Variants in RPRD2 observed in about 807,000 individuals in gnomAD.
RPRD2 encodes the protein regulation of nuclear pre-mRNA domain containing 2, also known as regulation of nuclear pre-mRNA domain-containing protein 2.
A neutral mutation model predicts 104.4 loss-of-function variants in RPRD2; 12 were observed. The ratio of observed to expected loss-of-function variants is 0.11; its 90% confidence interval spans 0.07 to 0.19. The LOEUF (loss-of-function observed/expected upper bound fraction) is 0.19, where lower values mean the gene tolerates loss of function less well. Among genes scored for constraint, RPRD2 ranks in the 10% least tolerant of loss-of-function variants. The pLI is 1.00. For synonymous variants in RPRD2, 714 were observed against 684.9 expected, an observed-to-expected ratio of 1.04 and a Z score of -0.66; for missense variants, 1,543 against 1,790.1, an observed-to-expected ratio of 0.86 and a Z score of 2.49.
rs1668568089 is a variant in RPRD2 at position 150,471,216 on chromosome 1, C to T, written c.2268C>T (p.Ile756=). 2 of 1,613,392 alleles carry T rather than the reference C, an allele frequency of 1.2e-6. No homozygotes were observed. The highest frequency in any genetic ancestry group is 1.3e-5 in the African/African-American group (1 of 74,750). Residue 756 remains isoleucine (I), a synonymous_variant, in exon 11 of 11, where the codon ATC becomes ATT. Transcript: ENST00000369068. This position sits in a 1 kb window ranked among gnomAD's most constrained non-coding sequence, Gnocchi z 5.3. ...ATACTATGTCCCTGCTTTCTAAGAT[C>T]ATTAGCCCTGGTTCCTCAACACCCA... ...SVDTMSLLSK[I]ISPGSSTPSS... is the part of the protein sequence containing the mutation.
chr1:150,374,728 TTTTAAG>T (rs1362214862), intron 1 of RPRD2, among the ~76,000 whole-genome samples: 1 of 152,202 alleles, frequency 6.6e-6, no homozygotes, highest in Non-Finnish European at 1.5e-5. Context: ...GGAAAAGCAC[TTTTAAG>T]TTTGTTTATT....
At chr1:150,394,186 C>T (rs1247565626) in intron 1 of RPRD2, among the ~76,000 whole-genome samples, 3 of 151,632 alleles carry the variant, frequency 2.0e-5, no homozygotes, top group African/African-American at 7.3e-5. Context: ...TAGTAGCTGG[C>T]ATTACAGGCA....
chr1:150,441,415 A>G (rs1256102282), intron 3 of RPRD2: 2 of 204,344 alleles, frequency 9.8e-6, no homozygotes, highest in Non-Finnish European at 2.0e-5. Flanking sequence ...GGTAGTAAGC[A>G]TATATCAGCA....
At chr1:150,411,512 A>AGG (rs1663912785) in intron 1 of RPRD2, among the ~76,000 whole-genome samples, 1 of 110,312 alleles carries the variant, frequency 9.1e-6, no homozygotes, top group Non-Finnish European at 1.9e-5. Context: ...GCAGTACACT[A>AGG]GGCGCGGTGG....
In RPRD2 at chr1:150,364,197, G is replaced by A. The variant is rs1659645095; in HGVS notation, c.-518G>A. Among the ~76,000 whole-genome samples, 1 of 152,190 alleles carries A rather than the reference G, an allele frequency of 6.6e-6. No individual in the cohort carries two copies. On this transcript the variant is annotated 5_prime_UTR_variant, in exon 1 of 11. Coordinates refer to ENST00000369068, the MANE Select transcript of RPRD2 (RefSeq NM_015203.5). ...TGCGTTGCAAAAAAAATCCTGACTA[G>A]GTAGCCTTGGACCTTTTCTGTGCTA...
chr1:150,450,697 T>G (rs1207791326), intron 7 of RPRD2, among the ~76,000 whole-genome samples: 1 of 150,260 alleles, frequency 6.7e-6, no homozygotes, highest in Admixed American at 6.6e-5. Flanking sequence ...CTCGGCTCAC[T>G]GCAACCCCCG....
intron 9 of RPRD2, among the ~76,000 whole-genome samples, chr1:150,462,837 G>A (rs1353202306): frequency 6.6e-6 from 1 of 152,180 alleles, no homozygotes; most frequent in African/African-American, 2.4e-5. Context: ...TTACAGGCGT[G>A]AGCCACCGCA....
chr1:150,472,849 C>A lies in RPRD2; in HGVS notation c.3901C>A (p.His1301Asn). 6.2e-7 allele frequency: 1 copy of A among 1,612,792 alleles called. No homozygotes were observed. Among genetic ancestry groups the A allele is most frequent in the Non-Finnish European group, 8.5e-7 (1 of 1,179,292 alleles). ...TPPPPPPPVD[H>N]SGVVPFPAPP... ...ACCCCCTCCTCCACCCCCTGTTGAC[C>A]ACTCTGGAGTTGTACCCTTCCCAGC... The change falls in exon 11 of 11, where the codon CAC becomes AAC. Residue 1301 changes from histidine (H) to asparagine (N), a missense_variant. Transcript: ENST00000369068.
chr1:150,425,359 T>C (rs1337607122), intron 2 of RPRD2, among the ~76,000 whole-genome samples: 1 of 152,064 alleles, frequency 6.6e-6, no homozygotes, highest in East Asian at 1.9e-4. Flanking sequence ...TTAAGAAATT[T>C]CTGGCCGGGT....
At chr1:150,428,416 C>G (rs879990779) in intron 2 of RPRD2, among the ~76,000 whole-genome samples, 10 of 142,898 alleles carry the variant, frequency 7.0e-5, no homozygotes, top group Admixed American at 5.1e-4. Context: ...TTGCACGCCA[C>G]TGCACTCCAG....
chr1:150,381,036 AC>A (rs1661087974), intron 1 of RPRD2, among the ~76,000 whole-genome samples: 1 of 151,630 alleles, frequency 6.6e-6, no homozygotes, highest in South Asian at 2.1e-4. Context: ...GGCCCCCCTC[AC>A]CCCCAAAAAG....
Position 150,471,040 on chromosome 1 carries a change from A to T in RPRD2, c.2092A>T (p.Ser698Cys). ...NIPILSSLGS[S>C]APSESHPSDF... ...CCCAATCCTGAGCAGTTTGGGGTCC[A>T]GCGCCCCATCAGAGAGCCATCCCTC... The change falls in exon 11 of 11, where the codon AGC becomes TGC. Residue 698 changes from serine (S) to cysteine (C), a missense_variant. Around this residue, in one of 4 missense-constraint regions of RPRD2, gnomAD observed 572 missense variants for 787.3 expected, o/e 0.73. Transcript: ENST00000369068. This position sits in a 1 kb window ranked among gnomAD's most constrained non-coding sequence, Gnocchi z 5.3. The T allele has an allele frequency of 6.2e-7, 1 of 1,613,988 alleles. No homozygotes were observed. Among genetic ancestry groups the T allele is most frequent in the Non-Finnish European group, 8.5e-7 (1 of 1,179,872 alleles).
chr1:150,464,448 C>T, intron 9 of RPRD2, 79 bp from the exon 10 acceptor site: 2 of 959,802 alleles, frequency 2.1e-6, no homozygotes, highest in Non-Finnish European at 3.0e-6. Flanking sequence ...ATATATCAAA[C>T]TCATTGAAGT....
rs1660065122 is a variant in RPRD2 at position 150,369,035 on chromosome 1, G to GT, written c.205+4118dup. On this transcript the variant is annotated intron_variant, in intron 1 of 10. Transcript: ENST00000369068. Reference sequence around the variant, plus strand: ...ACCAGATGACAAGTTTGTCTTATTTGTTGCCCTGTCCCCAAACAACTAGGA... The same window carrying GT: ...ACCAGATGACAAGTTTGTCTTATTTGTTTGCCCTGTCCCCAAACAACTAGGA... Among the ~76,000 whole-genome samples, 3 of 152,238 alleles carry GT rather than the reference G, an allele frequency of 2.0e-5. No homozygotes were observed. The South Asian group carries it at 6.2e-4, about 32-fold the overall frequency.
At chr1:150,437,215 G>A (rs1286022393) in intron 2 of RPRD2, among the ~76,000 whole-genome samples, 1 of 151,996 alleles carries the variant, frequency 6.6e-6, no homozygotes, top group African/African-American at 2.4e-5. Flanking sequence ...CAACATTAAG[G>A]CCAGGCATGG....
chr1:150,431,473 A>AT (rs1160491386), intron 2 of RPRD2, among the ~76,000 whole-genome samples: 1,839 of 78,760 alleles, frequency 0.023, 102 homozygotes, highest in African/African-American at 0.05. Context: ...AAAAGGAAGG[A>AT]TTTTTTTTTT....
At position 150,444,233 on chromosome 1, in the gene RPRD2, ACT is replaced by A. The variant is rs1184042976; in HGVS notation, c.568-15_568-14del. On this transcript the variant is annotated splice_polypyrimidine_tract_variant and intron_variant, in intron 5 of 10. Transcript: ENST00000369068. ...TGAATGATCTTGTAAATGAAATATG[ACT>A]CTGGTCTGTGTTTAGTCTCAGGCCC... 1 of 1,605,592 alleles carries A rather than the reference ACT, an allele frequency of 6.2e-7. No homozygotes were observed. Among genetic ancestry groups the A allele is most frequent in the Admixed American group, 1.7e-5 (1 of 58,010 alleles).
chr1:150,380,492 C>T (rs1465656459), intron 1 of RPRD2, among the ~76,000 whole-genome samples: 1 of 151,604 alleles, frequency 6.6e-6, no homozygotes, highest in Admixed American at 6.6e-5. Flanking sequence ...GGATTATAGG[C>T]ATACACCACC....
Position 150,421,802 on chromosome 1 carries a change from C to T in RPRD2, c.335+4077C>T, listed in dbSNP as rs587766230. ...GACCAGCCTGGGCAATATAGCGAGA[C>T]CCTGTCTCTACAAAAAAAATTAAAA... On this transcript the variant is annotated intron_variant, in intron 2 of 10. Transcript: ENST00000369068. Among the ~76,000 whole-genome samples the T allele has an allele frequency of 7.9e-5, 12 of 152,008 alleles. No individual in the cohort carries two copies. The South Asian group carries it at 2.3e-3, about 29-fold the overall frequency.
Sources: allele counts gnomAD v4.1 joint callset (sites outside exome capture counted in the v4.1 genomes callset), GRCh38; gene constraint gnomAD v4.1.1; regional missense constraint gnomAD v4.1.1; non-coding constraint Gnocchi (gnomAD v3.1); transcripts MANE v1.5; gene names NCBI Gene and HGNC (gene_info 2026-07-23, HGNC 2026-07-21).